ATP10B: variants seen among roughly 807,000 people sequenced by gnomAD.
ATP10B encodes the protein phospholipid-transporting ATPase VB.
A neutral mutation model predicts 141.2 loss-of-function variants in ATP10B; 122 were observed. The observed-to-expected ratio is 0.86, with a 90% CI of 0.75 to 1.00. The LOEUF is 1.00. Among genes scored for constraint, ATP10B ranks in the 50% least tolerant of loss-of-function variants. The pLI is 0.00. For synonymous variants in ATP10B, 685 were observed against 692.0 expected, an observed-to-expected ratio of 0.99 and a Z score of 0.16; for missense variants, 1,876 against 1,825.3, an observed-to-expected ratio of 1.03 and a Z score of -0.51.
chr5:160,905,928 G>C, the ATP10B span, among the ~76,000 whole-genome samples: 1 of 152,126 alleles, frequency 6.6e-6, no homozygotes, highest in Non-Finnish European at 1.5e-5. Context: ...AATGTGGAGA[G>C]AGCTAAGGAA....
At position 160,686,246 on chromosome 5, in the gene ATP10B, C is replaced by T. The variant is rs781520034; in HGVS notation, c.303G>A (p.Leu101=). The change falls in exon 6 of 26, where the codon CTG becomes CTA. Residue 101 remains leucine (L), a synonymous_variant. Coordinates refer to ENST00000327245, the MANE Select transcript of ATP10B (RefSeq NM_025153.3). ...HRWANLYFLF[L]VILNWMPSME... is the part of the protein sequence containing the mutation. ...TGGAGGGCATCCAGTTCAAAATCAC[C>T]AGGAACAGGAAATAGAGGTTAGCCC... 6.2e-7 allele frequency: 1 copy of T among 1,602,924 alleles called. No homozygotes were observed. The highest frequency in any genetic ancestry group is 2.2e-5 in the East Asian group (1 of 44,604).
At chr5:160,905,687 A>T in the ATP10B span, among the ~76,000 whole-genome samples, 3 of 151,854 alleles carry the variant, frequency 2.0e-5, no homozygotes, top group African/African-American at 7.3e-5. Flanking sequence ...GGACTCAATG[A>T]GTGCCTCCTA....
chr5:160,569,062 T>C (rs1460327329), intron 25 of ATP10B, among the ~76,000 whole-genome samples: 3 of 152,220 alleles, frequency 2.0e-5, no homozygotes, highest in Non-Finnish European at 4.4e-5. Flanking sequence ...TGATAGAAGC[T>C]GAGAAGCTCT....
chr5:160,864,203 C>T, the ATP10B span, among the ~76,000 whole-genome samples: 1,971 of 152,114 alleles, frequency 0.013, 42 homozygotes, highest in African/African-American at 0.045. Context: ...AAAACACTAG[C>T]TAACCAAATC....
At position 160,649,213 on chromosome 5, in the gene ATP10B, C is replaced by T. The variant is rs1397229796; in HGVS notation, c.719G>A (p.Cys240Tyr). Residue 240 changes from cysteine (C) to tyrosine (Y), a missense_variant, in exon 8 of 26, where the codon TGT becomes TAT. By Grantham distance (194) the Cys-to-Tyr change is radical. Coordinates refer to ENST00000327245, the MANE Select transcript of ATP10B (RefSeq NM_025153.3). Reference sequence around the variant, plus strand: ...GTTGAGGTGGTTGTTGGGTTTCTCACACACGATGGTATTGTGGAAAAGCTC... The same window carrying T: ...GTTGAGGTGGTTGTTGGGTTTCTCATACACGATGGTATTGTGGAAAAGCTC... ...EPELFHNTIV[C>Y]EKPNNHLNKF... is the part of the protein sequence containing the mutation. 3 of 1,613,896 alleles carry T rather than the reference C, an allele frequency of 1.9e-6. No individual in the cohort carries two copies. Among genetic ancestry groups the T allele is most frequent in the African/African-American group, 1.3e-5 (1 of 74,900 alleles).
intron 1 of ATP10B, among the ~76,000 whole-genome samples, chr5:160,794,652 T>TAC (rs2127916275): frequency 1.3e-5 from 2 of 152,316 alleles, no homozygotes; most frequent in African/African-American, 4.8e-5. Context: ...AAGTTCTGGC[T>TAC]ACGTGGGTCT....
In ATP10B at chr5:160,565,394, G is replaced by A; in HGVS notation, c.*59C>T. On this transcript the variant is annotated 3_prime_UTR_variant, in exon 26 of 26. Coordinates refer to ENST00000327245, the MANE Select transcript of ATP10B (RefSeq NM_025153.3). ...CTCTATGAAGAAGAAGGGGTCAAGG[G>A]TTATGTGGACCAGTGACTAGGTGGC... The A allele has an allele frequency of 6.5e-7, 1 of 1,528,440 alleles. No individual in the cohort carries two copies. The highest frequency in any genetic ancestry group is 9.0e-7 in the Non-Finnish European group (1 of 1,110,694). 94.7% of individuals were successfully genotyped at this position (1,528,440 alleles called of 1,614,324 possible).
chr5:160,651,295 G>A (rs1760714067), intron 7 of ATP10B, among the ~76,000 whole-genome samples: 1 of 152,118 alleles, frequency 6.6e-6, no homozygotes, highest in African/African-American at 2.4e-5. Context: ...CTGGTGAACA[G>A]TCTTGTAGCT....
chr5:160,575,045 A>G (rs927041653), intron 24 of ATP10B, among the ~76,000 whole-genome samples: 1 of 152,184 alleles, frequency 6.6e-6, no homozygotes, highest in African/African-American at 2.4e-5. Flanking sequence ...AAAAATTGAT[A>G]TAATAGAGAT....
chr5:160,742,752 G>C (rs909196358), intron 2 of ATP10B, among the ~76,000 whole-genome samples: 1 of 152,158 alleles, frequency 6.6e-6, no homozygotes, highest in African/African-American at 2.4e-5. Context: ...TAGGGAATTT[G>C]GGGGGAGGAT....
intron 2 of ATP10B, among the ~76,000 whole-genome samples, chr5:160,721,792 G>C (rs147438247): frequency 2.6e-5 from 4 of 152,034 alleles, no homozygotes; most frequent in Admixed American, 2.6e-4. Context: ...TTGGCTCTTA[G>C]ATTCTATGAG....
chr5:160,922,918 A>C, the ATP10B span, among the ~76,000 whole-genome samples: 1 of 152,228 alleles, frequency 6.6e-6, no homozygotes, highest in Non-Finnish European at 1.5e-5. Flanking sequence ...CCTGAAATGC[A>C]ATAGTATCTG....
intron 25 of ATP10B, among the ~76,000 whole-genome samples, chr5:160,568,790 CCAAGGCAAGG>C (rs759161795): frequency 2.0e-5 from 3 of 152,098 alleles, no homozygotes; most frequent in African/African-American, 7.2e-5. Context: ...AGAGTGAGCT[CCAAGGCAAGG>C]CAAGGCAAGG....
Position 160,785,735 on chromosome 5 carries a change from C to G in ATP10B, c.-507G>C. The G allele has an allele frequency of 8.0e-7, 1 of 1,244,980 alleles. No homozygotes were observed. Among genetic ancestry groups the G allele is most frequent in the Admixed American group, 2.5e-5 (1 of 39,592 alleles). 77.1% of individuals were successfully genotyped at this position (1,244,980 alleles called of 1,614,324 possible). On this transcript the variant is annotated 5_prime_UTR_variant, in exon 2 of 26. Coordinates refer to ENST00000327245, the MANE Select transcript of ATP10B (RefSeq NM_025153.3). ...GATGAATAATAGGAAAAACTACTTACTCTTCACACTGTTGCTTTCATTGAA... is the reference window on the plus strand; with the variant it reads ...GATGAATAATAGGAAAAACTACTTAGTCTTCACACTGTTGCTTTCATTGAA...
intron 11 of ATP10B, among the ~76,000 whole-genome samples, chr5:160,635,079 C>A (rs867865906): frequency 4.6e-5 from 7 of 152,220 alleles, no homozygotes; most frequent in Middle Eastern, 3.4e-3. Context: ...GAAGAACTTG[C>A]CTTCCAGTGA....
At chr5:160,677,257 C>T (rs114470439) in intron 6 of ATP10B, among the ~76,000 whole-genome samples, 2,382 of 152,254 alleles carry the variant, frequency 0.016, 54 homozygotes, top group African/African-American at 0.053. Context: ...AAGCTGAATT[C>T]GCCCAAATGG....
At position 160,807,450 on chromosome 5, in the gene ATP10B, G is replaced by A. The variant is rs189657936; in HGVS notation, c.-575-21647C>T. Among the ~76,000 whole-genome samples, 21 of 152,226 alleles carry A rather than the reference G, an allele frequency of 1.4e-4. No homozygotes were observed. The East Asian group carries it at 2.7e-3, about 20-fold the overall frequency. Reference sequence around the variant, plus strand: ...CACACAGAGAATATTTAGACAGTGAGGATACCTTATCAGAGATGTTGTAAA... The same window carrying A: ...CACACAGAGAATATTTAGACAGTGAAGATACCTTATCAGAGATGTTGTAAA... On this transcript the variant is annotated intron_variant, in intron 1 of 25. Transcript: ENST00000327245.
the ATP10B span, among the ~76,000 whole-genome samples, chr5:160,886,016 A>T: frequency 2.6e-5 from 4 of 152,204 alleles, no homozygotes; most frequent in Non-Finnish European, 4.4e-5. Context: ...TGTGTAAATG[A>T]CAGTAGAAAT....
At chr5:160,863,076 C>T in the ATP10B span, among the ~76,000 whole-genome samples, 2 of 151,946 alleles carry the variant, frequency 1.3e-5, no homozygotes, top group Admixed American at 1.3e-4. Context: ...AAATCTAATT[C>T]TACTGGTGCT....
Sources: gnomAD v4.1 joint callset for allele counts (sites outside exome capture counted in the v4.1 genomes callset) on GRCh38, gnomAD v4.1.1 for gene constraint, MANE v1.5 for transcripts, NCBI Gene and HGNC (gene_info 2026-07-23, HGNC 2026-07-21) for gene names.